The following SPEN variants were observed in gnomAD, a reference collection of about 807,000 sequenced individuals.
SPEN encodes spen family transcriptional repressor.
A neutral mutation model predicts 269.9 loss-of-function variants in SPEN; 18 were observed. That is an observed-to-expected ratio of 0.07 (90% CI 0.05 to 0.10). The LOEUF is 0.10. SPEN is among the 10% of genes least tolerant of loss of function. The probability of loss-of-function intolerance (pLI) is 1.00; values close to 1 mark genes in which losing one functional copy is unlikely to be tolerated. For synonymous variants in SPEN, 1,726 were observed against 1,765.7 expected (o/e 0.98, Z 0.56); for missense variants, 3,822 against 4,631.2 (o/e 0.83, Z 5.07).
chr1:15,933,302 C>T lies in SPEN; in HGVS notation c.7062C>T (p.Ser2354=), dbSNP rs2071240647. The T allele has an allele frequency of 6.2e-7, 1 of 1,614,094 alleles. No homozygotes were observed. Among genetic ancestry groups the T allele is most frequent in the African/African-American group, 1.3e-5 (1 of 75,024 alleles). Residue 2354 remains serine, a synonymous_variant, in exon 11 of 15, where the codon AGC becomes AGT. Coordinates refer to ENST00000375759, the MANE Select transcript of SPEN (RefSeq NM_015001.3). This position sits in a 1 kb window ranked among gnomAD's most constrained non-coding sequence, Gnocchi z 5.7. The part of the protein sequence containing the change: ...TNKKVVAPVE[S]HVPESNQAQG... ...AGAAAGTGGTGGCTCCTGTAGAGAG[C>T]CATGTCCCTGAATCCAACCAAGCTC...
At position 15,928,015 on chromosome 1, in the gene SPEN, C is replaced by T. The variant is rs1209695266; in HGVS notation, c.1851-76C>T. ...AAAGATTTTTTAGAAGCAGGAATTT[C>T]TGATTTCATATGTATGATTTTATGC... On this transcript the variant is annotated intron_variant, in intron 10 of 14. Coordinates refer to ENST00000375759, the MANE Select transcript of SPEN (RefSeq NM_015001.3). This position sits in a 1 kb window ranked among gnomAD's most constrained non-coding sequence, Gnocchi z 5.7. 7.5e-7 allele frequency: 1 copy of T among 1,333,600 alleles called. No homozygotes were observed. The highest frequency in any genetic ancestry group is 1.0e-6 in the Non-Finnish European group (1 of 977,256). The allele number at this position is 1,333,600 out of a possible 1,614,324, so 82.6% of individuals were successfully genotyped here.
In SPEN at chr1:15,883,862, T is replaced by G. The variant is rs1469946638; in HGVS notation, c.881+7184T>G. On this transcript the variant is annotated intron_variant, in intron 3 of 14. Coordinates refer to ENST00000375759, the MANE Select transcript of SPEN (RefSeq NM_015001.3). Reference sequence around the variant, plus strand: ...TCTTGTTCTGTCGCCCAGGCTGGAGTGCAGTGGTGTGATCTCGACTCACTG... The same window carrying G: ...TCTTGTTCTGTCGCCCAGGCTGGAGGGCAGTGGTGTGATCTCGACTCACTG... Among the ~76,000 whole-genome samples the G allele has an allele frequency of 5.6e-5, 8 of 143,458 alleles. No individual in the cohort carries two copies. The East Asian group carries it at 1.6e-3, about 29-fold the overall frequency. 94.1% of individuals were successfully genotyped at this position (143,458 alleles called of 152,430 possible). A position where few individuals can be genotyped will look rare whatever the true frequency, so the allele number is the denominator to read the frequency against.
intron 3 of SPEN, among the ~76,000 whole-genome samples, chr1:15,897,706 T>C (rs1405445164): frequency 6.6e-6 from 1 of 151,882 alleles, no homozygotes; most frequent in Non-Finnish European, 1.5e-5. Flanking sequence ...ACCATATTGG[T>C]CAGGATGGTC....
At chr1:15,854,701 G>A (rs528472454) in intron 1 of SPEN, among the ~76,000 whole-genome samples, 3 of 152,056 alleles carry the variant, frequency 2.0e-5, no homozygotes, top group South Asian at 4.2e-4. Flanking sequence ...GGCTGGTCTC[G>A]AACTCTTAAC....
At chr1:15,855,562 A>C (rs1160692656) in intron 1 of SPEN, among the ~76,000 whole-genome samples, 2 of 152,198 alleles carry the variant, frequency 1.3e-5, no homozygotes, top group Admixed American at 1.3e-4. Context: ...TAATTTTTTT[A>C]AATTACACTG....
intron 7 of SPEN, 42 bp from the exon 8 acceptor site, chr1:15,919,362 A>G (rs770362105): frequency 3.1e-6 from 4 of 1,288,620 alleles, no homozygotes; most frequent in East Asian, 2.4e-5. Context: ...TTGAATAGTA[A>G]TTGTGAACTT....
At chr1:15,874,145 T>C (rs763776882) in intron 2 of SPEN, 6 of 1,365,388 alleles carry the variant, frequency 4.4e-6, no homozygotes, top group Middle Eastern at 2.1e-4. Flanking sequence ...AATTGTCTGC[T>C]ATCTCAAGAA....
At chr1:15,919,636 T>C in intron 8 of SPEN, 119 bp downstream of exon 8, 1 of 578,928 alleles carries the variant, frequency 1.7e-6, no homozygotes, top group Non-Finnish European at 3.0e-6. Context: ...ACATTAAAAT[T>C]ATGTTTGCTA....
rs769345412 is a variant in SPEN at position 15,933,511 on chromosome 1, A to G, written c.7271A>G (p.Lys2424Arg). Residue 2424 changes from lysine to arginine, a missense_variant, in exon 11 of 15, where the codon AAA (lysine) becomes AGA (arginine). Lys to Arg is a conservative substitution (Grantham distance 26). Transcript: ENST00000375759. The surrounding 1 kb of genome is among the most constrained non-coding windows in gnomAD (Gnocchi z 5.7). ...EISVEERTPT[K>R]ASVPPDLPPP... ...AGTGTTGAGGAAAGGACTCCAACCA[A>G]AGCATCTGTGCCCCCAGACCTTCCC... 2 of 1,613,818 alleles carry G rather than the reference A, an allele frequency of 1.2e-6. No individual in the cohort carries two copies. Among genetic ancestry groups the G allele is most frequent in the Non-Finnish European group, 1.7e-6 (2 of 1,179,930 alleles).
chr1:15,925,016 A>T (rs1255197534), intron 10 of SPEN, among the ~76,000 whole-genome samples: 1 of 152,224 alleles, frequency 6.6e-6, no homozygotes, highest in Non-Finnish European at 1.5e-5. Flanking sequence ...TAGTTGATGC[A>T]TGAATGAAAA....
chr1:15,875,707 T>C (rs986614607), intron 2 of SPEN, among the ~76,000 whole-genome samples: 1 of 152,224 alleles, frequency 6.6e-6, no homozygotes, highest in Admixed American at 6.5e-5. Flanking sequence ...TTTTCTGGAC[T>C]TCTTGAAAGT....
intron 4 of SPEN, 71 bp from the exon 5 acceptor site, chr1:15,911,030 T>G: frequency 7.8e-7 from 1 of 1,277,614 alleles, no homozygotes; most frequent in Non-Finnish European, 1.1e-6. Context: ...AGGCTAAAGA[T>G]TTAGTAGGTT....
chr1:15,910,266 G>A (rs552982285), intron 4 of SPEN, among the ~76,000 whole-genome samples: 2 of 152,140 alleles, frequency 1.3e-5, no homozygotes, highest in East Asian at 3.9e-4. Context: ...AAATGGACAA[G>A]GGAGTAAAAT....
intron 3 of SPEN, among the ~76,000 whole-genome samples, chr1:15,880,777 TACA>T: frequency 6.6e-6 from 1 of 152,094 alleles, no homozygotes; most frequent in Non-Finnish European, 1.5e-5. Flanking sequence ...TTTGTATCTA[TACA>T]TAAAAAGAAC....
chr1:15,928,316 T>C lies in SPEN; in HGVS notation c.2076T>C (p.Ile692=), dbSNP rs370114389. The C allele has an allele frequency of 5.6e-6, 9 of 1,614,032 alleles. No individual in the cohort carries two copies. The South Asian group carries it at 6.6e-5, about 12-fold the overall frequency. Reference sequence around the variant, plus strand: ...GGAATGATCCTTATGAACAAGATATTAGGGAATATAGTTACAGGCAAAGGG... The same window carrying C: ...GGAATGATCCTTATGAACAAGATATCAGGGAATATAGTTACAGGCAAAGGG... ...DYRNDPYEQD[I]REYSYRQRER... The change falls in exon 11 of 15, where the codon ATT becomes ATC. Residue 692 remains isoleucine (I), a synonymous_variant. Coordinates refer to ENST00000375759, the MANE Select transcript of SPEN (RefSeq NM_015001.3). The surrounding 1 kb of genome is among the most constrained non-coding windows in gnomAD (Gnocchi z 5.7).
rs1004219331 is a variant in SPEN at position 15,940,265 on chromosome 1, G to A, written c.*838G>A. On this transcript the variant is annotated 3_prime_UTR_variant, in exon 15 of 15. Transcript: ENST00000375759. Reference sequence around the variant, plus strand: ...GTATAAGTGCGCTTCGGTACAGCACGGGTCCTGCTCCCGCGATGTGGAAGT... The same window carrying A: ...GTATAAGTGCGCTTCGGTACAGCACAGGTCCTGCTCCCGCGATGTGGAAGT... 6 of 232,886 alleles carry A rather than the reference G, an allele frequency of 2.6e-5. No homozygotes were observed. Among genetic ancestry groups the A allele is most frequent in the Non-Finnish European group, 4.2e-5 (5 of 117,774 alleles). 14.4% of individuals were successfully genotyped at this position (232,886 alleles called of 1,614,324 possible).
At chr1:15,885,159 T>C (rs2070725137) in intron 3 of SPEN, among the ~76,000 whole-genome samples, 1 of 152,228 alleles carries the variant, frequency 6.6e-6, no homozygotes, top group African/African-American at 2.4e-5. Flanking sequence ...GCAAATAATT[T>C]CTGGATTCAG....
chr1:15,859,358 C>CTTTTTTTTTTT (rs143092339), intron 1 of SPEN, among the ~76,000 whole-genome samples: 7 of 115,602 alleles, frequency 6.1e-5, no homozygotes, highest in Admixed American at 1.9e-4. Context: ...TTTTTCTTTT[C>CTTTTTTTTTTT]TTTTTTTTTT....
At chr1:15,879,752 G>A (rs1451210812) in intron 3 of SPEN, among the ~76,000 whole-genome samples, 2 of 151,352 alleles carry the variant, frequency 1.3e-5, no homozygotes, top group Non-Finnish European at 2.9e-5. Flanking sequence ...CTCACTGCAA[G>A]CTCCACCTCC....
Sources: allele counts gnomAD v4.1 joint callset (sites outside exome capture counted in the v4.1 genomes callset), GRCh38; gene constraint gnomAD v4.1.1; non-coding constraint Gnocchi (gnomAD v3.1); transcripts MANE v1.5; gene names NCBI Gene and HGNC (gene_info 2026-07-23, HGNC 2026-07-21).